The following FLVCR2 variants were observed in gnomAD, a reference collection of about 807,000 sequenced individuals.
FLVCR2 encodes the protein choline/ethanolamine transporter FLVCR2.
A neutral mutation model predicts 48.9 loss-of-function variants in FLVCR2; 38 were observed. The observed-to-expected ratio is 0.78, with a 90% CI of 0.60 to 1.02. The LOEUF (loss-of-function observed/expected upper bound fraction) is 1.02, where lower values mean the gene tolerates loss of function less well. Ranked by LOEUF, FLVCR2 falls within the 50% of genes least tolerant of loss-of-function variation. The probability of loss-of-function intolerance (pLI) is 0.00; values close to 1 mark genes in which losing one functional copy is unlikely to be tolerated. For synonymous variants in FLVCR2, 255 were observed against 257.0 expected, an observed-to-expected ratio of 0.99 and a Z score of 0.07; for missense variants, 664 against 663.3, an observed-to-expected ratio of 1.00 and a Z score of -0.01.
At chr14:75,587,519 G>A (rs1888779986) in intron 1 of FLVCR2, among the ~76,000 whole-genome samples, 1 of 152,144 alleles carries the variant, frequency 6.6e-6, no homozygotes, top group Non-Finnish European at 1.5e-5. Flanking sequence ...AGGTGAGGGT[G>A]GAGTCTTTAG....
At chr14:75,593,911 T>G (rs999663646) in intron 1 of FLVCR2, among the ~76,000 whole-genome samples, 5 of 152,252 alleles carry the variant, frequency 3.3e-5, no homozygotes, top group African/African-American at 1.2e-4. Flanking sequence ...ATCTTTCTGC[T>G]CTGCTTTCTT....
At chr14:75,595,506 C>G (rs533396310) in intron 1 of FLVCR2, among the ~76,000 whole-genome samples, 2 of 152,338 alleles carry the variant, frequency 1.3e-5, no homozygotes, top group East Asian at 3.9e-4. Flanking sequence ...AGTGTGTGGT[C>G]AGCCTAGTCT....
chr14:75,639,502 G>A (rs760087107), intron 6 of FLVCR2, 40 bp downstream of exon 6: 5 of 1,377,520 alleles, frequency 3.6e-6, no homozygotes, highest in East Asian at 4.6e-5. Flanking sequence ...AAAATACCAT[G>A]CCATGGCTCC....
chr14:75,641,396 T>C, intron 8 of FLVCR2, 103 bp downstream of exon 8: 1 of 770,580 alleles, frequency 1.3e-6, no homozygotes, highest in Non-Finnish European at 2.3e-6. Flanking sequence ...GGGGGACAGA[T>C]GGAAGGGTTT....
At chr14:75,627,119 G>A (rs56044109) in intron 3 of FLVCR2, among the ~76,000 whole-genome samples, 16,340 of 151,818 alleles carry the variant, frequency 0.11, 1,241 homozygotes, top group South Asian at 0.28. Flanking sequence ...GCTGTGGGGA[G>A]CAAAGCTACT....
intron 1 of FLVCR2, chr14:75,595,763 G>GA: frequency 1.4e-6 from 1 of 690,574 alleles, no homozygotes; most frequent in South Asian, 1.7e-5. Flanking sequence ...ATATTCTTGT[G>GA]AAAAATCCAC....
intron 3 of FLVCR2, chr14:75,633,011 G>T: frequency 1.4e-6 from 1 of 701,708 alleles, no homozygotes; most frequent in Non-Finnish European, 2.6e-6. Flanking sequence ...GACCTTATTC[G>T]CTAAAGATAC....
intron 1 of FLVCR2, among the ~76,000 whole-genome samples, chr14:75,582,739 G>A (rs1405034003): frequency 6.6e-6 from 1 of 152,192 alleles, no homozygotes; most frequent in Non-Finnish European, 1.5e-5. Context: ...TTAAGGAACG[G>A]AAAGAGGAGT....
chr14:75,626,725 G>A (rs1407455038), intron 3 of FLVCR2, among the ~76,000 whole-genome samples: 1 of 151,934 alleles, frequency 6.6e-6, no homozygotes, highest in Non-Finnish European at 1.5e-5. Context: ...TCAGGCTAAA[G>A]ATGGATAGTG....
chr14:75,588,863 A>T (rs1888815786), intron 1 of FLVCR2, among the ~76,000 whole-genome samples: 3 of 152,238 alleles, frequency 2.0e-5, no homozygotes, highest in African/African-American at 7.2e-5. Flanking sequence ...TCTCTTGGAC[A>T]AAACACATTC....
chr14:75,633,688 C>T lies in FLVCR2; in HGVS notation c.1012C>T (p.His338Tyr). The change falls in exon 4 of 10, where the codon CAC (histidine) becomes TAC (tyrosine). Residue 338 changes from histidine (H) to tyrosine (Y), a missense_variant. Physicochemically the swap from His to Tyr is moderately conservative, Grantham distance 83. Coordinates refer to ENST00000238667, the MANE Select transcript of FLVCR2 (RefSeq NM_017791.3). ...STLLNRMVIW[H>Y]YPGEEVNAGR... The stretch of plus-strand genomic sequence containing the variant: ...TCTTCTGAATCGCATGGTGATCTGG[C>T]ACTACCCGGTAAGGGAGTTCCCTAA... 6.2e-7 allele frequency: 1 copy of T among 1,612,574 alleles called. No individual in the cohort carries two copies. The highest frequency in any genetic ancestry group is 8.5e-7 in the Non-Finnish European group (1 of 1,178,546).
At chr14:75,639,302 C>A (rs773111814) in intron 5 of FLVCR2, 50 bp from the exon 6 acceptor site, 1 of 1,080,944 alleles carries the variant, frequency 9.3e-7, no homozygotes, top group South Asian at 1.3e-5. Context: ...AATGAATGAG[C>A]CTATTAAAGT....
chr14:75,629,240 AAT>A (rs1305051491), intron 3 of FLVCR2, among the ~76,000 whole-genome samples: 2 of 152,198 alleles, frequency 1.3e-5, no homozygotes, highest in African/African-American at 2.4e-5. Context: ...TTTTAATATA[AAT>A]ATGTCTTATG....
At chr14:75,641,995 A>G in intron 9 of FLVCR2, 97 bp downstream of exon 9, 1 of 1,122,070 alleles carries the variant, frequency 8.9e-7, no homozygotes, top group South Asian at 1.2e-5. Flanking sequence ...TCCCACAGGG[A>G]CTGGTTTTGT....
chr14:75,637,206 G>A (rs1035163084), intron 5 of FLVCR2, among the ~76,000 whole-genome samples: 1 of 152,234 alleles, frequency 6.6e-6, no homozygotes, highest in African/African-American at 2.4e-5. Context: ...CTTTGGACAA[G>A]TAACTTGAGT....
intron 1 of FLVCR2, among the ~76,000 whole-genome samples, chr14:75,611,035 G>A (rs75698961): frequency 0.02 from 3,103 of 152,274 alleles, 116 homozygotes; most frequent in African/African-American, 0.072. Context: ...GTCAGACGTG[G>A]TATGCGGGAG....
chr14:75,603,715 TC>T (rs1473354911), intron 1 of FLVCR2, among the ~76,000 whole-genome samples: 1 of 152,006 alleles, frequency 6.6e-6, no homozygotes, highest in Non-Finnish European at 1.5e-5. Context: ...TCACAGATAC[TC>T]CCCCCTTAGA....
chr14:75,622,353 T>C, intron 2 of FLVCR2, 133 bp downstream of exon 2: 1 of 950,410 alleles, frequency 1.1e-6, no homozygotes, highest in Non-Finnish European at 1.7e-6. Context: ...CTGGGCTTCT[T>C]ATGGTCTTCA....
intron 1 of FLVCR2, among the ~76,000 whole-genome samples, chr14:75,606,951 A>G (rs1056288149): frequency 3.9e-5 from 6 of 152,056 alleles, no homozygotes; most frequent in African/African-American, 1.4e-4. Context: ...CTTAAGAAAA[A>G]AAAAAAAGCA....
Sources: allele counts gnomAD v4.1 joint callset (sites outside exome capture counted in the v4.1 genomes callset), GRCh38; gene constraint gnomAD v4.1.1; transcripts MANE v1.5; gene names NCBI Gene and HGNC (gene_info 2026-07-23, HGNC 2026-07-21).